The following AP3D1 variants were observed in gnomAD, a reference collection of about 807,000 sequenced individuals.
AP3D1 encodes adaptor related protein complex 3 subunit delta 1, also known as AP-3 complex subunit delta-1.
A neutral mutation model predicts 147.6 loss-of-function variants in AP3D1; 51 were observed. The ratio of observed to expected loss-of-function variants is 0.35; its 90% CI spans 0.28 to 0.44. AP3D1 has a LOEUF of 0.44. Among genes scored for constraint, AP3D1 ranks in the 20% least tolerant of loss-of-function variants. The pLI is 1.00. For missense variants in AP3D1, 1,421 were observed against 1,624.2 expected (o/e 0.87, Z 2.15); for synonymous variants, 760 against 663.0 (o/e 1.15, Z -2.25).
chr19:2,128,466 C>CACCCCACA (rs1568294571), intron 8 of AP3D1, among the ~76,000 whole-genome samples: 3 of 112,038 alleles, frequency 2.7e-5, no homozygotes, highest in South Asian at 2.7e-4. Flanking sequence ...GGAGCCGGCC[C>CACCCCACA]GCCCCCGCCG....
At position 2,115,383 on chromosome 19, in the gene AP3D1, C is replaced by G; in HGVS notation, c.2185G>C (p.Glu729Gln). Residue 729 changes from glutamate to glutamine, a missense_variant, in exon 20 of 32, where the codon GAG becomes CAG. Transcript: ENST00000643116. ...AGCTTCTGCCGGTGCCGCCGCTCCT[C>G]CTCCAGCTTCACATACTGATCTGAC... ...PMSDQYVKLE[E>Q]ERRHRQKLEK... 2 of 1,606,898 alleles carry G rather than the reference C, an allele frequency of 1.2e-6. No individual in the cohort carries two copies. Among genetic ancestry groups the G allele is most frequent in the Non-Finnish European group, 1.7e-6 (2 of 1,179,892 alleles).
chr19:2,134,937 C>T (rs117962373), intron 4 of AP3D1, among the ~76,000 whole-genome samples: 4 of 151,950 alleles, frequency 2.6e-5, no homozygotes, highest in Non-Finnish European at 5.9e-5. Context: ...ACAAGCCAGG[C>T]GCAGTAATCC....
intron 31 of AP3D1, among the ~76,000 whole-genome samples, chr19:2,102,667 G>A (rs1039179691): frequency 6.6e-6 from 1 of 151,884 alleles, no homozygotes; most frequent in East Asian, 1.9e-4. Flanking sequence ...GGTGGACCTT[G>A]CAGTGAGCCG....
intron 25 of AP3D1, 147 bp from the exon 26 acceptor site, chr19:2,111,479 C>G: frequency 8.0e-7 from 1 of 1,246,070 alleles, no homozygotes; most frequent in Non-Finnish European, 1.1e-6. Flanking sequence ...GAGGGATCCC[C>G]GGCTCCCAGG....
At chr19:2,133,676 G>T (rs184975009) in intron 4 of AP3D1, among the ~76,000 whole-genome samples, 1,587 of 152,084 alleles carry the variant, frequency 0.01, 15 homozygotes, top group Middle Eastern at 0.037. Flanking sequence ...GCTAATTTTT[G>T]TATTTTTAGT....
chr19:2,142,450 G>A (rs1459885426), intron 1 of AP3D1, among the ~76,000 whole-genome samples: 1 of 152,000 alleles, frequency 6.6e-6, no homozygotes, highest in Non-Finnish European at 1.5e-5. Context: ...GCACCTGGCT[G>A]GCGCTTTTTC....
At chr19:2,146,825 T>C (rs754290273) in intron 1 of AP3D1, among the ~76,000 whole-genome samples, 45 of 151,988 alleles carry the variant, frequency 3.0e-4, no homozygotes, top group South Asian at 4.1e-4. Flanking sequence ...GGCTTTTAAT[T>C]TGGGGTTGAT....
In AP3D1 at chr19:2,121,029, G is replaced by T. The variant is rs373957589; in HGVS notation, c.1314C>A (p.Ala438=). 1.2e-6 allele frequency: 2 copies of T among 1,612,556 alleles called. No homozygotes were observed. The highest frequency in any genetic ancestry group is 2.7e-5 in the African/African-American group (2 of 74,932). ...LEGTRHGHLI[A]AQMLDVAIRV... is the part of the protein sequence containing the mutation. Reference sequence around the variant, plus strand: ...GGATGGCCACGTCCAGCATTTGGGCGGCGATGAGGTGGCCGTGCCGTGTGC... The same window carrying T: ...GGATGGCCACGTCCAGCATTTGGGCTGCGATGAGGTGGCCGTGCCGTGTGC... Residue 438 remains alanine, a synonymous_variant, in exon 14 of 32, where the codon GCC becomes GCA. Coordinates refer to ENST00000643116, the MANE Select transcript of AP3D1 (RefSeq NM_001261826.3).
In AP3D1 at chr19:2,113,432, C is replaced by G. The variant is rs1011980019; in HGVS notation, c.2602-19G>C. ...CCTCAGCCTGAAACCACAAGACAGG[C>G]TGTCAGCAAACGCAGTGCAATGGTC... On this transcript the variant is annotated intron_variant, in intron 22 of 31. Coordinates refer to ENST00000643116, the MANE Select transcript of AP3D1 (RefSeq NM_001261826.3). 6 of 1,442,160 alleles carry G rather than the reference C, an allele frequency of 4.2e-6. No homozygotes were observed. Among genetic ancestry groups the G allele is most frequent in the African/African-American group, 1.5e-5 (1 of 68,552 alleles). 89.3% of individuals were successfully genotyped at this position (1,442,160 alleles called of 1,614,324 possible). A position where few individuals can be genotyped will look rare whatever the true frequency, so the allele number is the denominator to read the frequency against.
intron 5 of AP3D1, 88 bp downstream of exon 5, chr19:2,132,383 G>A (rs943888103): frequency 1.8e-5 from 23 of 1,253,404 alleles, no homozygotes; most frequent in Middle Eastern, 1.9e-4. Context: ...GCCGGTTTCC[G>A]CATAGCCAAG....
chr19:2,104,498 ACCAATGCCCAGACC>A (rs1568271426), intron 31 of AP3D1, among the ~76,000 whole-genome samples: 1 of 113,126 alleles, frequency 8.8e-6, no homozygotes, highest in African/African-American at 4.0e-5. Context: ...ACACCAAGAC[ACCAATGCCCAGACC>A]CCAATGCCAA....
chr19:2,110,367 G>A (rs1265017975), intron 27 of AP3D1, 143 bp from the exon 28 acceptor site: 12 of 735,118 alleles, frequency 1.6e-5, no homozygotes, highest in Non-Finnish European at 2.5e-5. Context: ...CAGGGGACAG[G>A]AGCAGAAACA....
In AP3D1 at chr19:2,114,081, G is replaced by A. The variant is rs750090659; in HGVS notation, c.2601+44C>T. Reference sequence around the variant, plus strand: ...GCTGTCTCCTGGGAGTTCACGGCAAGGGAGGGGAATGGAGAAGGCCGCCGC... The same window carrying A: ...GCTGTCTCCTGGGAGTTCACGGCAAAGGAGGGGAATGGAGAAGGCCGCCGC... On this transcript the variant is annotated intron_variant, in intron 22 of 31. Transcript: ENST00000643116. The A allele has an allele frequency of 2.6e-6, 4 of 1,534,546 alleles. No individual in the cohort carries two copies. In the East Asian group the frequency reaches 7.2e-5, roughly 27 times the overall value.
intron 4 of AP3D1, among the ~76,000 whole-genome samples, chr19:2,132,789 ACT>A (rs1232371496): frequency 5.3e-5 from 8 of 152,028 alleles, no homozygotes; most frequent in African/African-American, 9.7e-5. Context: ...CCCATGGGAG[ACT>A]CTGTCACCAA....
intron 21 of AP3D1, 59 bp from the exon 22 acceptor site, chr19:2,114,361 C>G (rs1335746547): frequency 1.1e-5 from 15 of 1,421,490 alleles, no homozygotes; most frequent in Admixed American, 1.9e-5. Context: ...CAGGACCACT[C>G]AGTACATGCC....
chr19:2,107,575 C>A (rs1445612080), intron 31 of AP3D1, among the ~76,000 whole-genome samples: 2 of 151,810 alleles, frequency 1.3e-5, no homozygotes, highest in Admixed American at 1.3e-4. Flanking sequence ...CCTGTCTCTA[C>A]TAAAAATACA....
intron 1 of AP3D1, among the ~76,000 whole-genome samples, chr19:2,141,194 C>G (rs377343233): frequency 2.0e-5 from 3 of 152,014 alleles, no homozygotes; most frequent in Admixed American, 2.0e-4. Context: ...ACAAAAACAC[C>G]GGGAAATCAG....
rs1011440484 is a variant in AP3D1, at chr19:2,129,532, C to T, written c.593-75G>A. ...ACCATCCTACTGTCTTCCTGGCCCG[C>T]GAGGAAGTTCTGGGGCCTGCAGCAG... On this transcript the variant is annotated intron_variant, in intron 6 of 31. Coordinates refer to ENST00000643116, the MANE Select transcript of AP3D1 (RefSeq NM_001261826.3). 3.4e-4 allele frequency: 513 copies of T among 1,522,128 alleles called. 1 individual carries two copies. Among genetic ancestry groups the T allele is most frequent in the Admixed American group, 3.6e-4 (17 of 47,260 alleles). The allele number at this position is 1,522,128 out of a possible 1,614,324, so 94.3% of individuals were successfully genotyped here.
chr19:2,106,630 C>A (rs2018117517), intron 31 of AP3D1, among the ~76,000 whole-genome samples: 1 of 152,108 alleles, frequency 6.6e-6, no homozygotes, highest in African/African-American at 2.4e-5. Flanking sequence ...TTGATAGCAG[C>A]ACAATTCACA....
Sources: allele counts gnomAD v4.1 joint callset (sites outside exome capture counted in the v4.1 genomes callset), GRCh38; gene constraint gnomAD v4.1.1; transcripts MANE v1.5; gene names NCBI Gene and HGNC (gene_info 2026-07-23, HGNC 2026-07-21).